ZNF251: variants seen among roughly 807,000 people sequenced by gnomAD.
The protein encoded by ZNF251 is zinc finger protein 251.
ZNF251 carries 14 observed loss-of-function variants against 13.5 expected under a neutral mutation model. The ratio of observed to expected loss-of-function variants is 1.04; its 90% CI spans 0.69 to 1.63. The LOEUF (loss-of-function observed/expected upper bound fraction) is 1.63. Among genes scored for constraint, ZNF251 ranks in the 40% most tolerant of loss-of-function variants. The pLI is 0.00. For synonymous variants in ZNF251, 287 were observed against 295.2 expected (o/e 0.97, Z 0.28); for missense variants, 764 against 834.9 (o/e 0.92, Z 1.05).
chr8:144,749,344 G>A (rs907066565), intron 4 of ZNF251, among the ~76,000 whole-genome samples: 1 of 151,734 alleles, frequency 6.6e-6, no homozygotes, highest in African/African-American at 2.4e-5. Flanking sequence ...AATCAGCCAG[G>A]TGTGGTAGTA....
chr8:144,732,639 C>A (rs141110139), intron 4 of ZNF251, among the ~76,000 whole-genome samples: 3 of 151,394 alleles, frequency 2.0e-5, no homozygotes, highest in Non-Finnish European at 2.9e-5. Flanking sequence ...GGTGAAACCC[C>A]GTCTCTACTA....
At chr8:144,732,670 G>C (rs995830833) in intron 4 of ZNF251, among the ~76,000 whole-genome samples, 2 of 152,172 alleles carry the variant, frequency 1.3e-5, no homozygotes. Flanking sequence ...AAATTAGCTG[G>C]GTGTGGTGGC....
chr8:144,753,609 C>T (rs751387786), intron 4 of ZNF251, 74 bp downstream of exon 4: 41 of 1,224,062 alleles, frequency 3.3e-5, no homozygotes, highest in Non-Finnish European at 3.7e-5. Context: ...CATGCCCCAG[C>T]TGTCCCTCGC....
intron 4 of ZNF251, among the ~76,000 whole-genome samples, chr8:144,725,727 T>C (rs746623401): frequency 6.6e-6 from 1 of 152,224 alleles, no homozygotes; most frequent in Non-Finnish European, 1.5e-5. Context: ...CAACAGTGTA[T>C]GTGAGGTTAA....
At chr8:144,755,219 T>A in intron 1 of ZNF251, 186 bp downstream of exon 1, 1 of 1,171,188 alleles carries the variant, frequency 8.5e-7, no homozygotes, top group Non-Finnish European at 1.1e-6. Flanking sequence ...CCAGCTGTGG[T>A]CCTCAGTCCA....
At chr8:144,737,648 C>T (rs111898699) in intron 4 of ZNF251, among the ~76,000 whole-genome samples, 159 of 151,838 alleles carry the variant, frequency 1.0e-3, no homozygotes, top group African/African-American at 3.0e-3. Context: ...CTGGCTAACA[C>T]GGTGAAACCC....
rs1474581837 is a variant in ZNF251, at chr8:144,749,851, A to T, written c.277+3832T>A. Among the ~76,000 whole-genome samples the T allele has an allele frequency of 2.7e-5, 4 of 149,928 alleles. No homozygotes were observed. In the East Asian group the frequency reaches 7.8e-4, roughly 29 times the overall value. ...GTTTTTGGTCTCTAGTATTTAAAAA[A>T]TTCTTAAAATTTCTTTTTCTTTTCT... On this transcript the variant is annotated intron_variant, in intron 4 of 4. Transcript: ENST00000292562.
In ZNF251 at chr8:144,723,127, T is replaced by G. The variant is rs747861512; in HGVS notation, c.533A>C (p.Glu178Ala). 9.9e-6 allele frequency: 16 copies of G among 1,613,780 alleles called. No homozygotes were observed. In the South Asian group the frequency reaches 1.8e-4, roughly 18 times the overall value. ...AAATGCACTACACTCTTGGGTTCTT[T>G]CTCCCAAAGATCTTTCCCTGCCCAC... ...ATVGRERSLG[E>A]RTQECSAFDR... is the part of the protein sequence containing the mutation. The change falls in exon 5 of 5, where the codon GAA becomes GCA. Residue 178 changes from glutamate (E) to alanine (A), a missense_variant. Transcript: ENST00000292562.
chr8:144,736,491 AT>A (rs1438937675), intron 4 of ZNF251, among the ~76,000 whole-genome samples: 1 of 140,328 alleles, frequency 7.1e-6, no homozygotes, highest in Non-Finnish European at 1.5e-5. Flanking sequence ...TTATTTATTT[AT>A]TTATTTATTT....
chr8:144,732,677 T>G (rs894759258), intron 4 of ZNF251, among the ~76,000 whole-genome samples: 4 of 151,982 alleles, frequency 2.6e-5, no homozygotes, highest in Non-Finnish European at 5.9e-5. Context: ...CTGGGTGTGG[T>G]GGCAGGCACT....
intron 4 of ZNF251, among the ~76,000 whole-genome samples, chr8:144,740,999 A>G (rs1428963179): frequency 1.3e-5 from 2 of 152,238 alleles, no homozygotes; most frequent in Non-Finnish European, 2.9e-5. Context: ...AATGAAATAA[A>G]ACTGCATTTT....
chr8:144,721,493 T>G lies in ZNF251; in HGVS notation c.*151A>C. On this transcript the variant is annotated 3_prime_UTR_variant, in exon 5 of 5. Transcript: ENST00000292562. ...TCCCAGAATGAATTCTCGTGTTTAC[T>G]TCCAGATTTAATGACTTTGACTTTA... 2.5e-6 allele frequency: 2 copies of G among 793,274 alleles called. No homozygotes were observed. Among genetic ancestry groups the G allele is most frequent in the Non-Finnish European group, 3.4e-6 (2 of 585,036 alleles). 49.1% of individuals were successfully genotyped at this position (793,274 alleles called of 1,614,324 possible).
chr8:144,731,301 T>C (rs547246133), intron 4 of ZNF251, among the ~76,000 whole-genome samples: 4 of 152,204 alleles, frequency 2.6e-5, no homozygotes, highest in African/African-American at 9.6e-5. Flanking sequence ...TATGCAGTTC[T>C]TCGTCTTCCT....
At chr8:144,730,324 G>A (rs533978483) in intron 4 of ZNF251, among the ~76,000 whole-genome samples, 2 of 152,162 alleles carry the variant, frequency 1.3e-5, no homozygotes, top group South Asian at 4.2e-4. Flanking sequence ...GGGGCGTCCC[G>A]GGGGTGACAC....
At position 144,721,835 on chromosome 8, in the gene ZNF251, G is replaced by A. The variant is rs1823379128; in HGVS notation, c.1825C>T (p.Leu609Phe). The stretch of plus-strand genomic sequence containing the variant: ...GTGTGAGTTACCTGATGTTGAATAA[G>A]GGTTGACTTTCCACTGAAGGCGTTT... The part of the protein sequence containing the change: ...CGNAFSGKST[L>F]IQHQVTHTGQ... Residue 609 changes from leucine (L) to phenylalanine (F), a missense_variant, in exon 5 of 5, where the codon CTT (leucine) becomes TTT (phenylalanine). Leu to Phe is a conservative substitution (Grantham distance 22, BLOSUM62 0). Coordinates refer to ENST00000292562, the MANE Select transcript of ZNF251 (RefSeq NM_138367.2). The A allele has an allele frequency of 6.7e-7, 1 of 1,499,134 alleles. No individual in the cohort carries two copies. The highest frequency in any genetic ancestry group is 1.8e-4 in the Middle Eastern group (1 of 5,536). The allele number at this position is 1,499,134 out of a possible 1,614,324, so 92.9% of individuals were successfully genotyped here. A position where few individuals can be genotyped will look rare whatever the true frequency, so the allele number is the denominator to read the frequency against.
intron 4 of ZNF251, among the ~76,000 whole-genome samples, chr8:144,732,596 A>G (rs899676240): frequency 6.7e-6 from 1 of 150,310 alleles, no homozygotes; most frequent in African/African-American, 2.4e-5. Flanking sequence ...GGGAATCACG[A>G]GGTCAGGAGA....
At chr8:144,733,994 C>T (rs1823803106) in intron 4 of ZNF251, among the ~76,000 whole-genome samples, 2 of 152,348 alleles carry the variant, frequency 1.3e-5, no homozygotes, top group African/African-American at 4.8e-5. Context: ...TAGGTCTGTT[C>T]CGCAGCCGGC....
intron 2 of ZNF251, 55 bp from the exon 3 acceptor site, chr8:144,754,376 C>T: frequency 6.6e-7 from 1 of 1,517,922 alleles, no homozygotes; most frequent in Non-Finnish European, 8.8e-7. Context: ...GCAGCCTGCA[C>T]TAAAAGGGCC....
intron 4 of ZNF251, chr8:144,753,479 T>C (rs1824799042): frequency 3.7e-6 from 2 of 542,562 alleles, no homozygotes; most frequent in Non-Finnish European, 6.5e-6. Flanking sequence ...TATATATATA[T>C]TTTTAAAGCA....
Sources: allele counts gnomAD v4.1 joint callset (sites outside exome capture counted in the v4.1 genomes callset), GRCh38; gene constraint gnomAD v4.1.1; transcripts MANE v1.5; gene names NCBI Gene and HGNC (gene_info 2026-07-23, HGNC 2026-07-21).